The following COG5 variants were observed in gnomAD, a reference collection of about 807,000 sequenced individuals.
COG5 encodes the protein conserved oligomeric Golgi complex subunit 5.
A neutral mutation model predicts 110.4 loss-of-function variants in COG5; 86 were observed. That is an observed-to-expected ratio of 0.78 (90% CI 0.65 to 0.93). The LOEUF (loss-of-function observed/expected upper bound fraction) is 0.93. Among genes scored for constraint, COG5 ranks in the 40% least tolerant of loss-of-function variants. The pLI is 0.00. For synonymous variants in COG5, 360 were observed against 334.6 expected, an observed-to-expected ratio of 1.08 and a Z score of -0.83; for missense variants, 1,077 against 987.0, an observed-to-expected ratio of 1.09 and a Z score of -1.22.
At chr7:107,270,977 C>CCTCAGCCTCCCAA (rs538848843) in intron 14 of COG5, among the ~76,000 whole-genome samples, 154 of 139,050 alleles carry the variant, frequency 1.1e-3, no homozygotes, top group African/African-American at 4.0e-3. Flanking sequence ...GATTCTCCCT[C>CCTCAGCCTCCCAA]AGTTTGCTGG....
intron 6 of COG5, among the ~76,000 whole-genome samples, chr7:107,437,149 A>G (rs7781510): frequency 0.036 from 5,512 of 152,252 alleles, 135 homozygotes; most frequent in Non-Finnish European, 0.052. Context: ...ATGAGTTTCA[A>G]ATGAGATATT....
rs542655904 is a variant in COG5, at chr7:107,532,807, A to G, written c.418-5450T>C. On this transcript the variant is annotated intron_variant, in intron 5 of 21. Coordinates refer to ENST00000297135, the MANE Select transcript of COG5 (RefSeq NM_006348.5). ...GAGCAACAAAACAAACACTACAGTC[A>G]AAAGTATGATGGCAGAAAATAGTTT... Among the ~76,000 whole-genome samples the G allele has an allele frequency of 8.6e-4, 131 of 152,364 alleles. 4 individuals are homozygous for G. In the South Asian group the frequency reaches 0.024, roughly 28 times the overall value.
intron 6 of COG5, among the ~76,000 whole-genome samples, chr7:107,425,934 C>T (rs967916661): frequency 6.6e-6 from 1 of 152,092 alleles, no homozygotes; most frequent in African/African-American, 2.4e-5. Flanking sequence ...AAAGAGGAAA[C>T]TTGGACAATA....
chr7:107,282,587 T>C (rs1002866028), intron 13 of COG5, among the ~76,000 whole-genome samples: 1 of 152,194 alleles, frequency 6.6e-6, no homozygotes, highest in Non-Finnish European at 1.5e-5. Flanking sequence ...AGTGGCGTGA[T>C]GTCGGCTCAC....
At chr7:107,326,258 C>T (rs1233735049) in intron 10 of COG5, among the ~76,000 whole-genome samples, 4 of 152,124 alleles carry the variant, frequency 2.6e-5, no homozygotes, top group African/African-American at 4.8e-5. Context: ...GGCCAGGATG[C>T]CCACTCTTAC....
intron 16 of COG5, 151 bp from the exon 17 acceptor site, chr7:107,248,650 C>T: frequency 1.5e-6 from 1 of 653,658 alleles, no homozygotes; most frequent in South Asian, 1.8e-5. Flanking sequence ...CTCTCCCTAA[C>T]CACTGTCGGT....
rs574309020 is a variant in COG5, at chr7:107,345,692, CTT to C, written c.1026+16339_1026+16340del. ...GGTAATACTATTTTTGTACTGTACA[CTT>C]AGACTTAAGTTGATAAGTTTTAAGT... is the stretch of plus-strand genomic sequence containing the variant. On this transcript the variant is annotated intron_variant, in intron 10 of 21. Transcript: ENST00000297135. 1.1e-4 allele frequency among the ~76,000 whole-genome samples: 17 copies of C among 152,048 alleles called. No homozygotes were observed. In the South Asian group the frequency reaches 3.5e-3, roughly 32 times the overall value.
At chr7:107,369,279 G>T (rs1449705005) in intron 8 of COG5, among the ~76,000 whole-genome samples, 1 of 151,932 alleles carries the variant, frequency 6.6e-6, no homozygotes, top group Non-Finnish European at 1.5e-5. Flanking sequence ...TATCTATACT[G>T]GGAAATTTGT....
Position 107,283,630 on chromosome 7 carries a change from C to T in COG5, c.1416G>A (p.Pro472=), listed in dbSNP as rs149574256. The change falls in exon 13 of 22, where the codon CCG becomes CCA. Residue 472 remains proline, a synonymous_variant. Transcript: ENST00000297135. ...LFDPINLVFP[P]GGRNPPSSDE... is the part of the protein sequence containing the mutation. ...CAGAGGAAGGAGGATTACGACCACC[C>T]GGGGGAAAAACCAAGTTGATAGGAT... 388 of 1,613,730 alleles carry T rather than the reference C, an allele frequency of 2.4e-4. No homozygotes were observed. Among genetic ancestry groups the T allele is most frequent in the Middle Eastern group, 3.3e-4 (2 of 6,082 alleles).
At position 107,534,008 on chromosome 7, in the gene COG5, T is replaced by C. The variant is rs537511757; in HGVS notation, c.418-6651A>G. On this transcript the variant is annotated intron_variant, in intron 5 of 21. Coordinates refer to ENST00000297135, the MANE Select transcript of COG5 (RefSeq NM_006348.5). ...CAAGCCAGAAGAGAGTAGCAGCCAA[T>C]ACTTAACATTCTTAAAGAAAAGAAT... Among the ~76,000 whole-genome samples, 12 of 151,674 alleles carry C rather than the reference T, an allele frequency of 7.9e-5. No individual in the cohort carries two copies. In the East Asian group the frequency reaches 1.5e-3, roughly 20 times the overall value.
chr7:107,505,743 C>T (rs965050824), intron 6 of COG5, among the ~76,000 whole-genome samples: 5 of 152,196 alleles, frequency 3.3e-5, no homozygotes, highest in South Asian at 2.1e-4. Flanking sequence ...CAAGGCCTCC[C>T]GCCTGGGTTC....
chr7:107,486,871 C>G (rs1797684059), intron 6 of COG5, among the ~76,000 whole-genome samples: 1 of 152,134 alleles, frequency 6.6e-6, no homozygotes, highest in African/African-American at 2.4e-5. Context: ...AGTTGTACAA[C>G]TCCAGGAGGC....
intron 2 of COG5, 123 bp from the exon 3 acceptor site, chr7:107,554,465 AC>A (rs112238774): frequency 2.3e-6 from 2 of 863,308 alleles, no homozygotes; most frequent in South Asian, 2.9e-5. Flanking sequence ...AAAAGAAAAA[AC>A]CACAGGTTTT....
chr7:107,342,724 C>T (rs1811273896), intron 10 of COG5, among the ~76,000 whole-genome samples: 1 of 152,052 alleles, frequency 6.6e-6, no homozygotes, highest in African/African-American at 2.4e-5. Context: ...CCCACAGATG[C>T]TGACGAGGCT....
At chr7:107,489,831 T>G (rs1275558264) in intron 6 of COG5, among the ~76,000 whole-genome samples, 1 of 152,138 alleles carries the variant, frequency 6.6e-6, no homozygotes, top group Non-Finnish European at 1.5e-5. Flanking sequence ...AATCCAAGTC[T>G]TCTTCCTACT....
intron 7 of COG5, among the ~76,000 whole-genome samples, chr7:107,391,711 G>C (rs2129056886): frequency 6.6e-6 from 1 of 152,274 alleles, no homozygotes; most frequent in Middle Eastern, 3.4e-3. Context: ...GGAGGAATCT[G>C]CATTTTTTCA....
At chr7:107,457,123 G>A (rs544119558) in intron 6 of COG5, among the ~76,000 whole-genome samples, 1 of 151,948 alleles carries the variant, frequency 6.6e-6, no homozygotes, top group African/African-American at 2.4e-5. Flanking sequence ...ACATGACAAA[G>A]ATATTAAAAT....
intron 19 of COG5, 150 bp from the exon 20 acceptor site, chr7:107,211,375 G>T: frequency 1.2e-6 from 1 of 857,262 alleles, no homozygotes; most frequent in Admixed American, 2.0e-5. Flanking sequence ...TCAGCCTTGA[G>T]ACGCCCACAA....
intron 7 of COG5, among the ~76,000 whole-genome samples, chr7:107,392,897 G>A (rs767699019): frequency 4.6e-5 from 7 of 151,990 alleles, no homozygotes; most frequent in African/African-American, 7.3e-5. Flanking sequence ...TCTAAAAGGC[G>A]CCTGCATACC....
Sources: allele counts gnomAD v4.1 joint callset (sites outside exome capture counted in the v4.1 genomes callset), GRCh38; gene constraint gnomAD v4.1.1; transcripts MANE v1.5; gene names NCBI Gene and HGNC (gene_info 2026-07-23, HGNC 2026-07-21).